Variants in HTR1F observed in about 807,000 individuals in gnomAD.
HTR1F encodes 5-hydroxytryptamine (serotonin) receptor 1F, G protein-coupled.
Under a neutral mutation model 24.0 loss-of-function variants are expected in HTR1F, and 17 were observed. The observed-to-expected ratio is 0.71, with a 90% confidence interval of 0.48 to 1.06. The LOEUF (loss-of-function observed/expected upper bound fraction) is 1.06. Among genes scored for constraint, HTR1F ranks in the 50% least tolerant of loss-of-function variants. The probability of loss-of-function intolerance (pLI) is 0.00; values close to 1 mark genes in which losing one functional copy is unlikely to be tolerated. For missense variants in HTR1F, 391 were observed against 427.8 expected (o/e 0.91, Z 0.76); for synonymous variants, 186 against 156.8 (o/e 1.19, Z -1.39).
intron 2 of HTR1F, among the ~76,000 whole-genome samples, chr3:87,975,893 A>G (rs1705385741): frequency 6.6e-6 from 1 of 152,204 alleles, no homozygotes; most frequent in African/African-American, 2.4e-5. Context: ...CTGTAATACC[A>G]TTAATTGAAG....
At chr3:87,865,779 G>T (rs1705414317) in intron 2 of HTR1F, among the ~76,000 whole-genome samples, 1 of 152,028 alleles carries the variant, frequency 6.6e-6, no homozygotes, top group East Asian at 1.9e-4. Flanking sequence ...GATTGTTTCT[G>T]GTATGGGACT....
At chr3:87,938,085 C>CA (rs1704471911) in intron 2 of HTR1F, among the ~76,000 whole-genome samples, 1 of 152,086 alleles carries the variant, frequency 6.6e-6, no homozygotes, top group Non-Finnish European at 1.5e-5. Flanking sequence ...ACAACTTCAC[C>CA]AAAGTCTCAG....
intron 2 of HTR1F, among the ~76,000 whole-genome samples, chr3:87,889,669 T>G (rs1706036250): frequency 6.6e-6 from 1 of 152,148 alleles, no homozygotes; most frequent in Non-Finnish European, 1.5e-5. Flanking sequence ...CTATATAAAA[T>G]TTGATTTTTT....
chr3:87,806,209 A>G (rs1302060614), intron 1 of HTR1F, among the ~76,000 whole-genome samples: 2 of 152,126 alleles, frequency 1.3e-5, no homozygotes, highest in Admixed American at 1.3e-4. Context: ...TAATGCTGCA[A>G]TAAACATTTA....
chr3:87,915,332 A>C (rs974003263), intron 2 of HTR1F, among the ~76,000 whole-genome samples: 1 of 152,196 alleles, frequency 6.6e-6, no homozygotes, highest in Non-Finnish European at 1.5e-5. Context: ...GCTCACCAGC[A>C]GTGAATCCAA....
At chr3:87,807,798 A>G (rs1559590067) in intron 1 of HTR1F, among the ~76,000 whole-genome samples, 2 of 151,856 alleles carry the variant, frequency 1.3e-5, no homozygotes, top group African/African-American at 4.8e-5. Context: ...TGTTCCTCCT[A>G]TGCCTAGTTT....
intron 2 of HTR1F, among the ~76,000 whole-genome samples, chr3:87,852,510 T>A (rs1705108811): frequency 6.6e-6 from 1 of 151,848 alleles, no homozygotes; most frequent in Admixed American, 6.6e-5. Flanking sequence ...AAATCACATT[T>A]TCTCCTACCA....
intron 1 of HTR1F, among the ~76,000 whole-genome samples, chr3:87,802,605 C>T (rs28708597): frequency 0.027 from 4,149 of 152,092 alleles, 163 homozygotes; most frequent in African/African-American, 0.093. Context: ...CTCAGCACCC[C>T]CTCAAACTGC....
chr3:87,888,161 C>G (rs370148517), intron 2 of HTR1F, among the ~76,000 whole-genome samples: 1 of 152,132 alleles, frequency 6.6e-6, no homozygotes, highest in African/African-American at 2.4e-5. Flanking sequence ...GAGTTCATGT[C>G]CTTTGCATGG....
chr3:87,969,123 A>G (rs1360865055), intron 2 of HTR1F, among the ~76,000 whole-genome samples: 2 of 152,244 alleles, frequency 1.3e-5, no homozygotes, highest in African/African-American at 4.8e-5. Flanking sequence ...TTGCTGCAGG[A>G]ATGAAGCCCT....
chr3:87,970,420 T>A (rs753561574), intron 2 of HTR1F, among the ~76,000 whole-genome samples: 2 of 152,212 alleles, frequency 1.3e-5, no homozygotes, highest in Non-Finnish European at 2.9e-5. Flanking sequence ...ATCCAGAAAC[T>A]ACACTTTGAA....
In HTR1F at chr3:87,957,498, C is replaced by A. The variant is rs200403826; in HGVS notation, c.-42-33210C>A. ...TCATATGAAAATGTTTCTTTCTCTT[C>A]TATTTACTCAAGGCATTTGTATTAA... is the stretch of plus-strand genomic sequence containing the variant. On this transcript the variant is annotated intron_variant, in intron 2 of 2. Coordinates refer to ENST00000319595, the MANE Select transcript of HTR1F (RefSeq NM_001322209.2). Among the ~76,000 whole-genome samples, 17 of 151,262 alleles carry A rather than the reference C, an allele frequency of 1.1e-4. No homozygotes were observed. The East Asian group carries it at 2.9e-3, about 26-fold the overall frequency.
At chr3:87,897,316 T>G (rs530566072) in intron 2 of HTR1F, among the ~76,000 whole-genome samples, 1 of 150,878 alleles carries the variant, frequency 6.6e-6, no homozygotes, top group African/African-American at 2.4e-5. Flanking sequence ...ATAAAAAACA[T>G]AATGCTAAGT....
intron 2 of HTR1F, among the ~76,000 whole-genome samples, chr3:87,877,687 C>T (rs184339262): frequency 1.3e-5 from 2 of 152,254 alleles, no homozygotes; most frequent in Non-Finnish European, 2.9e-5. Context: ...AAGAGCAGAG[C>T]TTCAACTGAC....
At chr3:87,980,982 G>C (rs1255246239) in intron 2 of HTR1F, among the ~76,000 whole-genome samples, 2 of 152,076 alleles carry the variant, frequency 1.3e-5, no homozygotes, top group Non-Finnish European at 2.9e-5. Context: ...TAGCTGGGGG[G>C]CTGCTGCTGC....
intron 1 of HTR1F, among the ~76,000 whole-genome samples, chr3:87,809,875 G>A (rs1037100237): frequency 1.3e-5 from 2 of 151,938 alleles, no homozygotes; most frequent in African/African-American, 4.8e-5. Flanking sequence ...CCTAAAGTTT[G>A]TGGGCCTGAG....
In HTR1F at chr3:87,855,426, T is replaced by C. The variant is rs114740312; in HGVS notation, c.-43+33302T>C. Among the ~76,000 whole-genome samples the C allele has an allele frequency of 6.8e-3, 1,030 of 152,174 alleles. 19 individuals carry two copies. The highest frequency in any genetic ancestry group is 0.024 in the African/African-American group (984 of 41,528). On this transcript the variant is annotated intron_variant, in intron 2 of 2. Coordinates refer to ENST00000319595, the MANE Select transcript of HTR1F (RefSeq NM_001322209.2). ...ATCCCAGAGGCCTCCAAGGCTGCTT[T>C]CCACACCTTTCTCCAAAACAGAGGG...
chr3:87,957,701 T>A (rs1308265864), intron 2 of HTR1F, among the ~76,000 whole-genome samples: 1 of 151,436 alleles, frequency 6.6e-6, no homozygotes, highest in African/African-American at 2.4e-5. Context: ...GTGTTCTTAA[T>A]ACTCTTTTTT....
chr3:87,828,733 A>G (rs1490513913), intron 2 of HTR1F, among the ~76,000 whole-genome samples: 3 of 152,224 alleles, frequency 2.0e-5, no homozygotes, highest in African/African-American at 4.8e-5. Context: ...AGCAATAGAC[A>G]TTCTAAGACA....
Sources: gnomAD v4.1 joint callset for allele counts (sites outside exome capture counted in the v4.1 genomes callset) on GRCh38, gnomAD v4.1.1 for gene constraint, MANE v1.5 for transcripts, NCBI Gene and HGNC (gene_info 2026-07-23, HGNC 2026-07-21) for gene names.